Variants in ADK observed in about 807,000 individuals in gnomAD.
ADK encodes the protein adenosine kinase.
A neutral mutation model predicts 44.7 loss-of-function variants in ADK; 24 were observed. That is an observed-to-expected ratio of 0.54 (90% CI 0.39 to 0.76). The LOEUF (loss-of-function observed/expected upper bound fraction) is 0.76. ADK is among the 30% of genes least tolerant of loss of function. The pLI is 0.00. For synonymous variants in ADK, 128 were observed against 142.6 expected, an observed-to-expected ratio of 0.90 and a Z score of 0.73; for missense variants, 321 against 425.1, an observed-to-expected ratio of 0.76 and a Z score of 2.15.
At chr10:74,584,108 A>T (rs1021939237) in intron 7 of ADK, among the ~76,000 whole-genome samples, 8 of 152,204 alleles carry the variant, frequency 5.3e-5, no homozygotes, top group African/African-American at 1.9e-4. Flanking sequence ...AGAATGTACA[A>T]GGATTTGAAT....
At chr10:74,557,867 T>C (rs1420463075) in intron 7 of ADK, among the ~76,000 whole-genome samples, 1 of 152,184 alleles carries the variant, frequency 6.6e-6, no homozygotes, top group Admixed American at 6.5e-5. Flanking sequence ...GGAGATTCTT[T>C]GATTTGCAGT....
intron 7 of ADK, among the ~76,000 whole-genome samples, chr10:74,569,563 C>A (rs1403630266): frequency 1.3e-5 from 2 of 152,170 alleles, no homozygotes; most frequent in East Asian, 3.8e-4. Flanking sequence ...CTTTTGGCTG[C>A]AAAAATGTCT....
chr10:74,459,717 G>A (rs1332481014), intron 6 of ADK, among the ~76,000 whole-genome samples: 1 of 101,368 alleles, frequency 9.9e-6, no homozygotes, highest in Non-Finnish European at 1.9e-5. Flanking sequence ...AATAGAGCAA[G>A]ACTCCATCTC....
At chr10:74,247,735 G>C (rs893734887) in intron 3 of ADK, among the ~76,000 whole-genome samples, 2 of 152,092 alleles carry the variant, frequency 1.3e-5, no homozygotes, top group African/African-American at 2.4e-5. Flanking sequence ...ATTGATATAT[G>C]AAACAGTGTA....
At chr10:74,243,100 G>A (rs911253546) in intron 3 of ADK, among the ~76,000 whole-genome samples, 3 of 152,240 alleles carry the variant, frequency 2.0e-5, no homozygotes, top group African/African-American at 7.2e-5. Context: ...CCCACGCAAT[G>A]TGGTAAGGGA....
rs146569312 is a variant in ADK, at chr10:74,486,131, G to A, written c.556-39125G>A. Among the ~76,000 whole-genome samples the A allele has an allele frequency of 1.0e-2, 1,520 of 152,110 alleles. 14 individuals are homozygous for A. The highest frequency in any genetic ancestry group is 0.017 in the Middle Eastern group (5 of 294). ...TGGGAGGTGATTGGATCATGGGGGC[G>A]GTATCCTTCAGGCTGGTCTCATGAT... On this transcript the variant is annotated intron_variant, in intron 6 of 10. Coordinates refer to ENST00000539909, the MANE Select transcript of ADK (RefSeq NM_006721.4).
chr10:74,286,422 A>G (rs1342359569), intron 3 of ADK, among the ~76,000 whole-genome samples: 1 of 152,212 alleles, frequency 6.6e-6, no homozygotes, highest in African/African-American at 2.4e-5. Flanking sequence ...GGCTTTACTG[A>G]GTGCTCAAGG....
intron 2 of ADK, among the ~76,000 whole-genome samples, chr10:74,216,003 C>A (rs1844001183): frequency 6.6e-6 from 1 of 151,992 alleles, no homozygotes; most frequent in African/African-American, 2.4e-5. Context: ...GATTTGATAC[C>A]CCTTTTATTC....
intron 2 of ADK, among the ~76,000 whole-genome samples, chr10:74,202,176 A>G (rs535270320): frequency 9.2e-5 from 14 of 152,310 alleles, no homozygotes; most frequent in African/African-American, 3.4e-4. Context: ...TTTTATAGAA[A>G]TGGAATCATA....
chr10:74,457,188 G>T (rs547366733), intron 6 of ADK, among the ~76,000 whole-genome samples: 24 of 152,268 alleles, frequency 1.6e-4, no homozygotes, highest in African/African-American at 5.8e-4. Context: ...TACCATCAGA[G>T]AATACTATAG....
intron 10 of ADK, among the ~76,000 whole-genome samples, chr10:74,703,252 C>T (rs573858448): frequency 8.5e-5 from 13 of 152,174 alleles, no homozygotes; most frequent in African/African-American, 2.6e-4. Context: ...GAGGCTGAGG[C>T]GGGTGGATTG....
intron 10 of ADK, among the ~76,000 whole-genome samples, chr10:74,694,171 T>TTTTA (rs1554898854): frequency 7.1e-6 from 1 of 141,340 alleles, no homozygotes; most frequent in African/African-American, 2.6e-5. Flanking sequence ...TTTTTTTTTT[T>TTTTA]ACTATTTTGA....
intron 1 of ADK, among the ~76,000 whole-genome samples, chr10:74,195,524 C>G (rs1486712285): frequency 6.6e-6 from 1 of 151,840 alleles, no homozygotes; most frequent in Non-Finnish European, 1.5e-5. Flanking sequence ...ATTCTGTCAC[C>G]CAGGGCTGGA....
At chr10:74,339,462 C>G (rs1433076939) in intron 4 of ADK, among the ~76,000 whole-genome samples, 1 of 152,174 alleles carries the variant, frequency 6.6e-6, no homozygotes, top group East Asian at 1.9e-4. Context: ...ATGTAACATT[C>G]TTTTCCTTCA....
At chr10:74,566,389 T>C (rs770593869) in intron 7 of ADK, among the ~76,000 whole-genome samples, 2 of 151,932 alleles carry the variant, frequency 1.3e-5, no homozygotes, top group Non-Finnish European at 2.9e-5. Context: ...TGATGTCTTG[T>C]AGAGACAGGG....
At chr10:74,208,259 T>C (rs1843676509) in intron 2 of ADK, among the ~76,000 whole-genome samples, 1 of 152,218 alleles carries the variant, frequency 6.6e-6, no homozygotes, top group Admixed American at 6.5e-5. Context: ...AGGGTGGGGC[T>C]CCAGCCCTGC....
intron 1 of ADK, among the ~76,000 whole-genome samples, chr10:74,200,306 A>C (rs1843329017): frequency 6.6e-6 from 1 of 151,636 alleles, no homozygotes. Context: ...CAACATGGTG[A>C]AACCCCATCT....
chr10:74,412,876 G>A (rs1844234897), intron 6 of ADK, among the ~76,000 whole-genome samples: 1 of 152,124 alleles, frequency 6.6e-6, no homozygotes, highest in Non-Finnish European at 1.5e-5. Flanking sequence ...TGGTCGACAT[G>A]GTGAAACCAC....
intron 7 of ADK, chr10:74,527,498 A>T (rs1849100576): frequency 1.7e-6 from 1 of 596,402 alleles, no homozygotes; most frequent in Admixed American, 2.8e-5. Context: ...TTAATTAAGG[A>T]GAGAATGTGG....
Sources: gnomAD v4.1 joint callset for allele counts (sites outside exome capture counted in the v4.1 genomes callset) on GRCh38, gnomAD v4.1.1 for gene constraint, MANE v1.5 for transcripts, NCBI Gene and HGNC (gene_info 2026-07-23, HGNC 2026-07-21) for gene names.